The following ARID1A variants were observed in gnomAD, a reference collection of about 807,000 sequenced individuals.
The protein encoded by ARID1A is AT-rich interaction domain 1A.
In ARID1A, 20 loss-of-function variants were observed where a neutral mutation model predicts 212.6. That is an observed-to-expected ratio of 0.09 (90% confidence interval 0.07 to 0.14). The LOEUF is 0.14. Among genes scored for constraint, ARID1A ranks in the 10% least tolerant of loss-of-function variants. The probability of loss-of-function intolerance (pLI) is 1.00; values close to 1 mark genes in which losing one functional copy is unlikely to be tolerated. For synonymous variants in ARID1A, 1,376 were observed against 1,222.1 expected, an observed-to-expected ratio of 1.13 and a Z score of -2.63; for missense variants, 2,587 against 3,059.0, an observed-to-expected ratio of 0.85 and a Z score of 3.64.
intron 4 of ARID1A, among the ~76,000 whole-genome samples, chr1:26,737,282 A>T (rs1409449890): frequency 6.6e-6 from 1 of 152,008 alleles, no homozygotes; most frequent in Non-Finnish European, 1.5e-5. Context: ...ATGCCCAGCT[A>T]ATTTTTGGAC....
intron 4 of ARID1A, among the ~76,000 whole-genome samples, chr1:26,738,214 A>G (rs1049197763): frequency 1.6e-4 from 25 of 151,726 alleles, no homozygotes; most frequent in Non-Finnish European, 2.9e-4. Context: ...AATAGAGACG[A>G]GGTTTCACTA....
At position 26,696,254 on chromosome 1, in the gene ARID1A, GA is replaced by G; in HGVS notation, c.-149del. 9.9e-7 allele frequency: 1 copy of G among 1,008,700 alleles called. No individual in the cohort carries two copies. The highest frequency in any genetic ancestry group is 1.2e-6 in the Non-Finnish European group (1 of 800,292). The allele number at this position is 1,008,700 out of a possible 1,614,324, so 62.5% of individuals were successfully genotyped here. On this transcript the variant is annotated 5_prime_UTR_variant, in exon 1 of 20. Coordinates refer to ENST00000324856, the MANE Select transcript of ARID1A (RefSeq NM_006015.6). ...TGAGCCGGCGGGGCGGGGGGGAGAG[GA>G]GCGAGCGCAGCGCAGCAGCGGAGCC... is the stretch of plus-strand genomic sequence containing the variant.
At chr1:26,728,525 G>A (rs1337110047) in intron 1 of ARID1A, among the ~76,000 whole-genome samples, 1 of 152,152 alleles carries the variant, frequency 6.6e-6, no homozygotes, top group African/African-American at 2.4e-5. Context: ...GACCAGTCCT[G>A]GGAGGTGGGT....
At position 26,774,908 on chromosome 1, in the gene ARID1A, G is replaced by T; in HGVS notation, c.4681G>T (p.Val1561Leu). Residue 1561 changes from valine (V) to leucine (L), a missense_variant, in exon 18 of 20, where the codon GTG (valine) becomes TTG (leucine). Physicochemically the swap from Val to Leu is conservative, Grantham distance 32 (BLOSUM62 1). Coordinates refer to ENST00000324856, the MANE Select transcript of ARID1A (RefSeq NM_006015.6). The surrounding 1 kb of genome is among the most constrained non-coding windows in gnomAD (Gnocchi z 5.6). ...RQPPYGPSAP[V>L]PPMTRPPPSN... ...GCCCCCATATGGTCCCTCTGCCCCT[G>T]TGCCCCCCATGACAAGGCCCCCTCC... is the stretch of plus-strand genomic sequence containing the variant. 1 of 1,539,328 alleles carries T rather than the reference G, an allele frequency of 6.5e-7. No individual in the cohort carries two copies. Among genetic ancestry groups the T allele is most frequent in the South Asian group, 1.2e-5 (1 of 81,314 alleles).
At chr1:26,734,098 T>A (rs758235239) in intron 4 of ARID1A, among the ~76,000 whole-genome samples, 1 of 152,216 alleles carries the variant, frequency 6.6e-6, no homozygotes, top group Admixed American at 6.5e-5. Flanking sequence ...CTTTGTTCCC[T>A]TCTCATTAGT....
intron 1 of ARID1A, among the ~76,000 whole-genome samples, chr1:26,713,022 TGTG>T (rs2080468317): frequency 6.6e-6 from 1 of 152,244 alleles, no homozygotes; most frequent in South Asian, 2.1e-4. Context: ...GAAGCGTAGC[TGTG>T]ATCACTGGGA....
chr1:26,706,890 C>T (rs527690436), intron 1 of ARID1A, among the ~76,000 whole-genome samples: 18 of 152,264 alleles, frequency 1.2e-4, no homozygotes, highest in South Asian at 2.1e-4. Context: ...TTTGGATAAC[C>T]GGCTTTTAGT....
intron 9 of ARID1A, 28 bp from the exon 10 acceptor site, chr1:26,766,429 G>T (rs1385092710): frequency 6.2e-7 from 1 of 1,613,860 alleles, no homozygotes; most frequent in South Asian, 1.1e-5. Flanking sequence ...AAACTTACTG[G>T]ACTTGAGAAT....
intron 6 of ARID1A, 97 bp from the exon 7 acceptor site, chr1:26,762,055 A>C: frequency 7.3e-7 from 1 of 1,361,978 alleles, no homozygotes; most frequent in Non-Finnish European, 9.9e-7. Context: ...AGTGGCTGCT[A>C]AAGAAAATGT....
chr1:26,778,727 A>G (rs986858857), intron 19 of ARID1A: 1 of 272,058 alleles, frequency 3.7e-6, no homozygotes, highest in African/African-American at 2.2e-5. Flanking sequence ...GCAGAAGATT[A>G]ATTGGGAAAA....
chr1:26,718,186 G>T (rs888967785), intron 1 of ARID1A, among the ~76,000 whole-genome samples: 2 of 152,120 alleles, frequency 1.3e-5, no homozygotes, highest in Non-Finnish European at 1.5e-5. Flanking sequence ...TGTTGGCCAG[G>T]CTGGTCTCGA....
At chr1:26,718,640 T>G (rs1057196043) in intron 1 of ARID1A, among the ~76,000 whole-genome samples, 5 of 152,242 alleles carry the variant, frequency 3.3e-5, no homozygotes, top group Admixed American at 6.5e-5. Flanking sequence ...TCTAGATTAC[T>G]TATAATACCT....
At chr1:26,714,066 A>G (rs975406116) in intron 1 of ARID1A, among the ~76,000 whole-genome samples, 7 of 152,222 alleles carry the variant, frequency 4.6e-5, no homozygotes, top group African/African-American at 1.7e-4. Flanking sequence ...TGGTTAGGGA[A>G]AAAGAGAGTT....
chr1:26,737,510 C>T (rs759867254), intron 4 of ARID1A, among the ~76,000 whole-genome samples: 2 of 152,116 alleles, frequency 1.3e-5, no homozygotes, highest in Admixed American at 6.6e-5. Context: ...ATGCCCAAGA[C>T]CAGTGGTTCT....
chr1:26,750,587 T>G (rs2080875176), intron 4 of ARID1A, among the ~76,000 whole-genome samples: 1 of 151,820 alleles, frequency 6.6e-6, no homozygotes, highest in East Asian at 1.9e-4. Flanking sequence ...GAGGAAAGTG[T>G]GAGGGTTTGA....
At chr1:26,755,709 C>T (rs186682215) in intron 4 of ARID1A, among the ~76,000 whole-genome samples, 1 of 151,990 alleles carries the variant, frequency 6.6e-6, no homozygotes, top group East Asian at 1.9e-4. Context: ...CAGTTCTTGC[C>T]CTGAGCTGAT....
At chr1:26,707,195 G>T (rs1236086083) in intron 1 of ARID1A, among the ~76,000 whole-genome samples, 1 of 146,876 alleles carries the variant, frequency 6.8e-6, no homozygotes, top group Non-Finnish European at 1.5e-5. Flanking sequence ...CACCGCGGCT[G>T]GCTAATTTTT....
rs1292982623 is a variant in ARID1A, at chr1:26,720,248, C to T, written c.1138-9403C>T. 1.5e-4 allele frequency among the ~76,000 whole-genome samples: 20 copies of T among 135,094 alleles called. No individual in the cohort carries two copies. The Admixed American group carries it at 1.5e-3, about 10-fold the overall frequency. The allele number at this position is 135,094 out of a possible 152,430, so 88.6% of individuals were successfully genotyped here. A position where few individuals can be genotyped will look rare whatever the true frequency, so the allele number is the denominator to read the frequency against. Reference sequence around the variant, plus strand: ...CTGGTGACAGAGCGAGGCTCTGTCTCGAAAAAAAAAAAAAAGGTACAACCT... The same window carrying T: ...CTGGTGACAGAGCGAGGCTCTGTCTTGAAAAAAAAAAAAAAGGTACAACCT... On this transcript the variant is annotated intron_variant, in intron 1 of 19. Coordinates refer to ENST00000324856, the MANE Select transcript of ARID1A (RefSeq NM_006015.6).
Position 26,696,829 on chromosome 1 carries a change from C to T in ARID1A, c.426C>T (p.Ala142=). 1.5e-6 allele frequency: 2 copies of T among 1,341,092 alleles called. No homozygotes were observed. Among genetic ancestry groups the T allele is most frequent in the East Asian group, 3.1e-5 (1 of 32,186 alleles). The allele number at this position is 1,341,092 out of a possible 1,614,324, so 83.1% of individuals were successfully genotyped here. A position where few individuals can be genotyped will look rare whatever the true frequency, so the allele number is the denominator to read the frequency against. The change falls in exon 1 of 20, where the codon GCC becomes GCT. Residue 142 remains alanine (A), a synonymous_variant. Transcript: ENST00000324856. ...VGAPPHSAAA[A]LPPPAYGFGQ... is the part of the protein sequence containing the mutation. The stretch of plus-strand genomic sequence containing the variant: ...CGCCTCCTCACTCAGCCGCGGCCGC[C>T]TTGCCGCCCCCAGCCTACGGCTTCG...
Sources: gnomAD v4.1 joint callset for allele counts (sites outside exome capture counted in the v4.1 genomes callset) on GRCh38, gnomAD v4.1.1 for gene constraint, Gnocchi (gnomAD v3.1) non-coding constraint, MANE v1.5 for transcripts, NCBI Gene and HGNC (gene_info 2026-07-23, HGNC 2026-07-21) for gene names.